DGCR6L: variants seen among roughly 807,000 people sequenced by gnomAD.
The protein encoded by DGCR6L is DiGeorge syndrome critical region gene 6 like, also known as protein DGCR6L.
Under a neutral mutation model 31.1 loss-of-function variants are expected in DGCR6L, and 24 were observed. That is an observed-to-expected ratio of 0.77 (90% CI 0.56 to 1.08). DGCR6L has a LOEUF of 1.08. Among genes scored for constraint, DGCR6L ranks in the 50% least tolerant of loss-of-function variants. The probability of loss-of-function intolerance (pLI) is 0.00; values close to 1 mark genes in which losing one functional copy is unlikely to be tolerated. For missense variants in DGCR6L, 218 were observed against 287.1 expected, an observed-to-expected ratio of 0.76 and a Z score of 1.74; for synonymous variants, 104 against 126.1, an observed-to-expected ratio of 0.82 and a Z score of 1.17.
At chr22:20,316,667 C>T (rs1401380100) in intron 2 of DGCR6L, among the ~76,000 whole-genome samples, 1 of 152,220 alleles carries the variant, frequency 6.6e-6, no homozygotes, top group East Asian at 1.9e-4. Flanking sequence ...CCTCTGCCTA[C>T]CAGGGGTGTG....
In DGCR6L at chr22:20,319,947, A is replaced by G; in HGVS notation, c.42T>C (p.Gly14=). 1 of 1,607,474 alleles carries G rather than the reference A, an allele frequency of 6.2e-7. No individual in the cohort carries two copies. The highest frequency in any genetic ancestry group is 1.3e-5 in the African/African-American group (1 of 74,952). Residue 14 remains glycine, a synonymous_variant, in exon 1 of 5, where the codon GGT becomes GGC. Coordinates refer to ENST00000248879, the MANE Select transcript of DGCR6L (RefSeq NM_033257.4). ...YAAALEEVAD[G]ARQQERHYQL... ...GGTAGTGTCGCTCCTGCTGCCGGGCACCGTCCGCCACCTCCTCCAAGGCGG... is the reference window on the plus strand; with the variant it reads ...GGTAGTGTCGCTCCTGCTGCCGGGCGCCGTCCGCCACCTCCTCCAAGGCGG...
chr22:20,315,533 G>T (rs2051565383), intron 3 of DGCR6L, 57 bp from the exon 4 acceptor site: 2 of 1,587,090 alleles, frequency 1.3e-6, no homozygotes, highest in African/African-American at 1.3e-5. Context: ...GCCATCAGGG[G>T]GCGGGGAGGT....
chr22:20,317,356 C>A (rs77204185), intron 2 of DGCR6L, among the ~76,000 whole-genome samples: 2 of 152,274 alleles, frequency 1.3e-5, no homozygotes, highest in Non-Finnish European at 2.9e-5. Context: ...GGTCCACTAC[C>A]AGATTCCACT....
intron 2 of DGCR6L, chr22:20,317,969 A>C (rs1014371895): frequency 1.1e-5 from 3 of 284,796 alleles, no homozygotes; most frequent in Non-Finnish European, 2.1e-5. Flanking sequence ...TCATCCTATA[A>C]GGCTGGCAAA....
rs75856701 is a variant in DGCR6L, at chr22:20,317,074, C to T, written c.272-855G>A. On this transcript the variant is annotated intron_variant, in intron 2 of 4. Coordinates refer to ENST00000248879, the MANE Select transcript of DGCR6L (RefSeq NM_033257.4). ...TCCCTGGCCAAAAGAAAAGGTGAAA[C>T]CCAACACTCTGTTCCTGGGAAGAGC... 7.5e-3 allele frequency among the ~76,000 whole-genome samples: 1,146 copies of T among 152,198 alleles called. 10 individuals are homozygous for T. The highest frequency in any genetic ancestry group is 0.026 in the African/African-American group (1,077 of 41,520).
rs1286680986 is a variant in DGCR6L, at chr22:20,316,119, C to G, written c.372G>C (p.Glu124Asp). 1 of 1,609,038 alleles carries G rather than the reference C, an allele frequency of 6.2e-7. No individual in the cohort carries two copies. The highest frequency in any genetic ancestry group is 1.7e-5 in the Admixed American group (1 of 59,658). Residue 124 changes from glutamate (E) to aspartate (D), a missense_variant and splice_region_variant, in exon 3 of 5, where the codon GAG becomes GAC. This residue lies in a region of DGCR6L where 78 missense variants were observed against 90.0 expected (regional missense o/e 0.87). Transcript: ENST00000248879. ...VVQAAQQRELEAVEHRIREEQ... is the reference protein window; with the variant it reads ...VVQAAQQRELDAVEHRIREEQ... ...GCCACCCTGCCTGCGCCCCCAGTAC[C>G]TCTAGTTCTCGCTGCTGAGCCGCCT...
intron 2 of DGCR6L, 107 bp downstream of exon 2, chr22:20,319,532 C>T (rs914633737): frequency 3.0e-5 from 45 of 1,478,038 alleles, no homozygotes; most frequent in African/African-American, 5.7e-5. Context: ...TCTTAGAGAC[C>T]TCTTCCGAAC....
At chr22:20,316,035 AC>A (rs1207793548) in intron 3 of DGCR6L, 83 bp downstream of exon 3, 11 of 1,452,332 alleles carry the variant, frequency 7.6e-6, no homozygotes, top group Non-Finnish European at 9.2e-6. Context: ...GAGCCCCCAC[AC>A]CCCTTCAGCT....
intron 2 of DGCR6L, among the ~76,000 whole-genome samples, chr22:20,316,647 G>A (rs1464303242): frequency 6.6e-6 from 1 of 152,204 alleles, no homozygotes; most frequent in African/African-American, 2.4e-5. Context: ...CGCTGACCCT[G>A]AGCGTGGGGC....
Position 20,315,390 on chromosome 22 carries a change from C to T in DGCR6L, c.459G>A (p.Gln153=). ...CCACCCCCGCCTTCTCCAGTGTGCT[C>T]TGCTGGTCAGCCACCTTCCGGTCCA... The part of the protein sequence containing the change: ...LELDRKVADQ[Q]STLEKAGVAG... Residue 153 remains glutamine (Q), a synonymous_variant, in exon 4 of 5, where the codon CAG becomes CAA. Transcript: ENST00000248879. The T allele has an allele frequency of 1.2e-6, 2 of 1,613,976 alleles. No individual in the cohort carries two copies. The highest frequency in any genetic ancestry group is 1.7e-6 in the Non-Finnish European group (2 of 1,180,014).
Position 20,319,932 on chromosome 22 carries a change from C to A in DGCR6L, c.57G>T (p.Glu19Asp), listed in dbSNP as rs751620722. 17 of 1,610,164 alleles carry A rather than the reference C, an allele frequency of 1.1e-5. No individual in the cohort carries two copies. The South Asian group carries it at 1.7e-4, about 16-fold the overall frequency. ...EEVADGARQQ[E>D]RHYQLLSALQ... Reference sequence around the variant, plus strand: ...GCGCCGACAGCAACTGGTAGTGTCGCTCCTGCTGCCGGGCACCGTCCGCCA... The same window carrying A: ...GCGCCGACAGCAACTGGTAGTGTCGATCCTGCTGCCGGGCACCGTCCGCCA... The change falls in exon 1 of 5, where the codon GAG (glutamate) becomes GAT (aspartate). Residue 19 changes from glutamate (E) to aspartate (D), a missense_variant. Glu to Asp is a conservative substitution (Grantham distance 45, BLOSUM62 2). Around this residue, in one of 4 missense-constraint regions of DGCR6L, gnomAD observed 77 missense variants for 71.2 expected, o/e 1.08. Coordinates refer to ENST00000248879, the MANE Select transcript of DGCR6L (RefSeq NM_033257.4).
intron 4 of DGCR6L, chr22:20,315,124 G>A: frequency 8.6e-6 from 11 of 1,273,486 alleles, no homozygotes; most frequent in South Asian, 1.3e-5. Flanking sequence ...TGGAGAGGGT[G>A]GGCAGTGCCC....
chr22:20,318,481 A>G (rs1435369282), intron 2 of DGCR6L: 1 of 152,238 alleles, frequency 6.6e-6, no homozygotes, highest in Admixed American at 6.5e-5. Context: ...TCAATGCCAC[A>G]ATAAATGTTG....
rs748423243 is a variant in DGCR6L, at chr22:20,314,835, G to A, written c.514-11C>T. 2.5e-6 allele frequency: 4 copies of A among 1,610,606 alleles called. No homozygotes were observed. In the African/African-American group the frequency reaches 5.3e-5, roughly 22 times the overall value. ...CTGCAGCATCAGCTCCTGGGATACA[G>A]AGGGGCCCCATGAAGGCCAGAGTGA... On this transcript the variant is annotated splice_polypyrimidine_tract_variant and intron_variant, in intron 4 of 4. Transcript: ENST00000248879.
At chr22:20,319,837 C>T (rs933451619) in intron 1 of DGCR6L, 38 bp from the exon 2 acceptor site, 38 of 1,596,678 alleles carry the variant, frequency 2.4e-5, no homozygotes, top group Non-Finnish European at 3.2e-5. Flanking sequence ...CGGCGGGAAA[C>T]GAAGCCGCCT....
chr22:20,318,776 G>A (rs2051587407), intron 2 of DGCR6L: 1 of 152,192 alleles, frequency 6.6e-6, no homozygotes, highest in Non-Finnish European at 1.5e-5. Context: ...GGACTAGGGA[G>A]GGTACCCCTG....
Position 20,315,972 on chromosome 22 carries a change from G to T in DGCR6L, c.372+147C>A. The T allele has an allele frequency of 3.1e-6, 3 of 968,836 alleles. 1 individual carries two copies. The highest frequency in any genetic ancestry group is 4.5e-6 in the Non-Finnish European group (3 of 672,920). 60.0% of individuals were successfully genotyped at this position (968,836 alleles called of 1,614,324 possible). ...TCCGCAAAGAGGAGCCACCTGGTGG[G>T]ACTCACTAGGCCTCCAGTGTCCCAC... On this transcript the variant is annotated intron_variant, in intron 3 of 4. Coordinates refer to ENST00000248879, the MANE Select transcript of DGCR6L (RefSeq NM_033257.4).
chr22:20,317,399 C>T (rs996776266), intron 2 of DGCR6L, among the ~76,000 whole-genome samples: 7 of 152,256 alleles, frequency 4.6e-5, no homozygotes, highest in African/African-American at 9.6e-5. Flanking sequence ...AAGAGAGCCA[C>T]GCTGGCTGCC....
At position 20,314,665 on chromosome 22, in the gene DGCR6L, C is replaced by T. The variant is rs2051557783; in HGVS notation, c.*10G>A. 6.3e-7 allele frequency: 1 copy of T among 1,583,314 alleles called. No individual in the cohort carries two copies. Among genetic ancestry groups the T allele is most frequent in the Non-Finnish European group, 8.6e-7 (1 of 1,161,770 alleles). On this transcript the variant is annotated 3_prime_UTR_variant, in exon 5 of 5. Transcript: ENST00000248879. ...AAGATGAACTCTGCCCAGACTTCTGCTGCCTGTGGCTATGGTGGGACAGGG... is the reference window on the plus strand; with the variant it reads ...AAGATGAACTCTGCCCAGACTTCTGTTGCCTGTGGCTATGGTGGGACAGGG...
Sources: allele counts gnomAD v4.1 joint callset (sites outside exome capture counted in the v4.1 genomes callset), GRCh38; gene constraint gnomAD v4.1.1; regional missense constraint gnomAD v4.1.1; transcripts MANE v1.5; gene names NCBI Gene and HGNC (gene_info 2026-07-23, HGNC 2026-07-21).